MOGAT3: variants seen among roughly 807,000 people sequenced by gnomAD.
The protein encoded by MOGAT3 is 2-acylglycerol O-acyltransferase 3.
In MOGAT3, 39 loss-of-function variants were observed where a neutral mutation model predicts 34.4. The observed-to-expected ratio is 1.13, with a 90% CI of 0.88 to 1.48. MOGAT3 has a LOEUF of 1.48. Ranked by LOEUF, MOGAT3 falls within the 40% of genes most tolerant of loss-of-function variation. The pLI is 0.00. For synonymous variants in MOGAT3, 209 were observed against 179.2 expected (o/e 1.17, Z -1.33); for missense variants, 439 against 438.9 (o/e 1.00, Z 0.00).
At chr7:101,200,341 A>G in intron 2 of MOGAT3, 37 bp from the exon 3 acceptor site, 1 of 1,611,260 alleles carries the variant, frequency 6.2e-7, no homozygotes, top group Middle Eastern at 1.7e-4. Flanking sequence ...GAACCCCCGG[A>G]GTCACCTCCC....
downstream of MOGAT3, among the ~76,000 whole-genome samples, chr7:101,194,498 CTTTT>C (rs34849826): frequency 1.8e-4 from 17 of 95,522 alleles, no homozygotes; most frequent in South Asian, 7.2e-4. Flanking sequence ...AGGACATAAG[CTTTT>C]TTTTTTTTTT....
intron 5 of MOGAT3, 52 bp from the exon 6 acceptor site, chr7:101,196,441 G>A (rs1797790198): frequency 7.2e-7 from 1 of 1,394,848 alleles, no homozygotes; most frequent in African/African-American, 1.4e-5. Context: ...ACTGCTCCGA[G>A]ATGGGCACCC....
downstream of MOGAT3, among the ~76,000 whole-genome samples, chr7:101,193,711 A>G (rs1019862374): frequency 1.3e-5 from 2 of 152,116 alleles, no homozygotes; most frequent in Non-Finnish European, 2.9e-5. Flanking sequence ...TACAGGCATG[A>G]GCCACCATGC....
chr7:101,198,917 G>GT (rs1249610269), intron 3 of MOGAT3, 87 bp from the exon 4 acceptor site: 1 of 1,228,994 alleles, frequency 8.1e-7, no homozygotes, highest in African/African-American at 1.5e-5. Context: ...AGAGTTCCGA[G>GT]TTAAAGGTTC....
At chr7:101,200,715 C>A (rs771097906) in intron 1 of MOGAT3, 31 bp downstream of exon 1, 2 of 1,586,616 alleles carry the variant, frequency 1.3e-6, no homozygotes, top group East Asian at 2.2e-5. Context: ...CCCTGGCAGA[C>A]CCCAGGCACC....
chr7:101,193,619 G>A (rs1439071134), downstream of MOGAT3, among the ~76,000 whole-genome samples: 8 of 152,092 alleles, frequency 5.3e-5, no homozygotes, highest in Non-Finnish European at 7.4e-5. Context: ...GGTAGAGACG[G>A]GGTTCACTAT....
At chr7:101,198,585 T>C in intron 4 of MOGAT3, 41 bp downstream of exon 4, 3 of 1,579,334 alleles carry the variant, frequency 1.9e-6, no homozygotes, top group Non-Finnish European at 2.6e-6. Context: ...GAACATCTGG[T>C]CAGGAGTCTC....
rs979438438 is a variant in MOGAT3, at chr7:101,200,687, TCC to T, written c.109+57_109+58del. On this transcript the variant is annotated intron_variant, in intron 1 of 6. Coordinates refer to ENST00000223114, the MANE Select transcript of MOGAT3 (RefSeq NM_178176.4). ...ATGCAAGCCAGCAGCCCAGCCACTC[TCC>T]CTCCAAGCCCTACTCCCCTGGCAGA... 4.1e-5 allele frequency: 61 copies of T among 1,477,562 alleles called. No homozygotes were observed. In the African/African-American group the frequency reaches 8.4e-4, roughly 20 times the overall value. 91.5% of individuals were successfully genotyped at this position (1,477,562 alleles called of 1,614,324 possible). A position where few individuals can be genotyped will look rare whatever the true frequency, so the allele number is the denominator to read the frequency against.
rs1797753311 is a variant in MOGAT3, at chr7:101,195,488, T to C, written c.*458A>G. The C allele has an allele frequency of 6.3e-6, 1 of 159,568 alleles. No individual in the cohort carries two copies. The highest frequency in any genetic ancestry group is 1.7e-4 in the South Asian group (1 of 5,954). 9.9% of individuals were successfully genotyped at this position (159,568 alleles called of 1,614,324 possible). A position where few individuals can be genotyped will look rare whatever the true frequency, so the allele number is the denominator to read the frequency against. Reference sequence around the variant, plus strand: ...CCTCGGCTTCCCAAAGTGTTGGGATTATGGGCATGAGCCACCACGCCCAGC... The same window carrying C: ...CCTCGGCTTCCCAAAGTGTTGGGATCATGGGCATGAGCCACCACGCCCAGC... On this transcript the variant is annotated 3_prime_UTR_variant, in exon 7 of 7. Transcript: ENST00000223114.
Position 101,196,175 on chromosome 7 carries a change from G to T in MOGAT3, c.871+12C>A. The T allele has an allele frequency of 6.4e-7, 1 of 1,571,432 alleles. No individual in the cohort carries two copies. Among genetic ancestry groups the T allele is most frequent in the South Asian group, 1.2e-5 (1 of 86,792 alleles). On this transcript the variant is annotated intron_variant, in intron 6 of 6. Transcript: ENST00000223114. Reference sequence around the variant, plus strand: ...GCTGCTGGTGGCCGTCCCCCCGGAGGTGGGCACTCACCCACAGTGGTGATG... The same window carrying T: ...GCTGCTGGTGGCCGTCCCCCCGGAGTTGGGCACTCACCCACAGTGGTGATG...
At chr7:101,198,923 G>A (rs1206992136) in intron 3 of MOGAT3, 93 bp from the exon 4 acceptor site, 8 of 1,204,406 alleles carry the variant, frequency 6.6e-6, no homozygotes, top group Non-Finnish European at 9.7e-6. Flanking sequence ...CCGAGTTAAA[G>A]GTTCTTAGGA....
chr7:101,194,411 C>T (rs1285122834), downstream of MOGAT3, among the ~76,000 whole-genome samples: 3 of 151,200 alleles, frequency 2.0e-5, no homozygotes, highest in East Asian at 3.9e-4. Context: ...TGGTCTTGAT[C>T]TCTTGACCTC....
Position 101,198,808 on chromosome 7 carries a change from G to A in MOGAT3, c.311C>T (p.Pro104Leu), listed in dbSNP as rs758330141. The A allele has an allele frequency of 1.9e-6, 3 of 1,613,990 alleles. No individual in the cohort carries two copies. The East Asian group carries it at 6.7e-5, about 36-fold the overall frequency. ...PVKLVKTAELPPDRNYVLGAH... is the reference protein window; with the variant it reads ...PVKLVKTAELLPDRNYVLGAH... ...GCCCAGCACGTAGTTCCGATCCGGG[G>A]GCAGCTCTGCTGTTTTCACCAGCTT... is the stretch of plus-strand genomic sequence containing the variant. The change falls in exon 4 of 7, where the codon CCC (proline) becomes CTC (leucine). Residue 104 changes from proline (P) to leucine (L), a missense_variant. By Grantham distance (98) the Pro-to-Leu change is moderately conservative. Transcript: ENST00000223114.
Position 101,196,062 on chromosome 7 carries a change from T to C in MOGAT3, c.910A>G (p.Thr304Ala), listed in dbSNP as rs535693840. 2 of 1,612,724 alleles carry C rather than the reference T, an allele frequency of 1.2e-6. No homozygotes were observed. Among genetic ancestry groups the C allele is most frequent in the East Asian group, 2.2e-5 (1 of 44,826 alleles). ...TGATAGTGATTGACTTCCTCCTCGG[T>C]GGGGTGGAGGCGCTGGGGGACGGGG... ...PIPVPQRLHP[T>A]EEEVNHYHAL... Residue 304 changes from threonine to alanine, a missense_variant, in exon 7 of 7, where the codon ACC becomes GCC. Coordinates refer to ENST00000223114, the MANE Select transcript of MOGAT3 (RefSeq NM_178176.4).
chr7:101,200,102 A>G (rs1272031767), intron 3 of MOGAT3, 132 bp downstream of exon 3: 7 of 757,478 alleles, frequency 9.2e-6, no homozygotes, highest in Non-Finnish European at 1.4e-5. Context: ...AAAAAAAAAA[A>G]ATCCATTCCC....
intron 4 of MOGAT3, 70 bp downstream of exon 4, chr7:101,198,556 T>C: frequency 1.4e-6 from 2 of 1,398,922 alleles, no homozygotes; most frequent in Non-Finnish European, 9.7e-7. Flanking sequence ...TGGGGGGGGG[T>C]GGTCCCAGAG....
rs199850170 is a variant in MOGAT3 at position 101,200,885 on chromosome 7, C to T, written c.-31G>A. ...AAGCTCCCCTCTTCCAGCAGGATCC[C>T]AGAACCCGGAGGACAAACGATGAAG... On this transcript the variant is annotated 5_prime_UTR_variant, in exon 1 of 7. Coordinates refer to ENST00000223114, the MANE Select transcript of MOGAT3 (RefSeq NM_178176.4). The T allele has an allele frequency of 9.6e-6, 15 of 1,568,536 alleles. No individual in the cohort carries two copies. The East Asian group carries it at 2.5e-4, about 26-fold the overall frequency.
In MOGAT3 at chr7:101,198,280, AC is replaced by A; in HGVS notation, c.578del (p.Gly193ValfsTer28). On this transcript the variant is annotated frameshift_variant, in exon 5 of 7. Coordinates refer to ENST00000223114, the MANE Select transcript of MOGAT3 (RefSeq NM_178176.4). LOFTEE classifies it high-confidence loss of function. ...GGACTGAATACAGGGCCTCGTGCGC[AC>A]CCCCCACCATGATGACCACGGCCTG... Reference protein sequence around the residue: ...LGQAVVIMVGGAHEALYSVPG... With the variant: ...LGQAVVIMVGXAHEALYSVPG... 8.1e-6 allele frequency: 13 copies of A among 1,608,572 alleles called. No homozygotes were observed. The highest frequency in any genetic ancestry group is 4.5e-5 in the East Asian group (2 of 44,742).
chr7:101,193,981 AC>A (rs1050166882), downstream of MOGAT3, among the ~76,000 whole-genome samples: 24 of 152,000 alleles, frequency 1.6e-4, no homozygotes, highest in African/African-American at 5.3e-4. Flanking sequence ...GGATGCTGTG[AC>A]CACCCCAGGG....
Sources: allele counts gnomAD v4.1 joint callset (sites outside exome capture counted in the v4.1 genomes callset), GRCh38; gene constraint gnomAD v4.1.1; transcripts MANE v1.5; gene names NCBI Gene and HGNC (gene_info 2026-07-23, HGNC 2026-07-21).